The following SAMD5 variants were observed in gnomAD, a reference collection of about 807,000 sequenced individuals.
The protein encoded by SAMD5 is sterile alpha motif domain containing 5, also known as sterile alpha motif domain-containing protein 5.
In SAMD5, 13 loss-of-function variants were observed where a neutral mutation model predicts 11.3. That is an observed-to-expected ratio of 1.15 (90% confidence interval 0.75 to 1.83). The LOEUF (loss-of-function observed/expected upper bound fraction) is 1.83, where lower values mean the gene tolerates loss of function less well. SAMD5 is among the 40% of genes most tolerant of loss of function. The pLI is 0.00. For missense variants in SAMD5, 255 were observed against 239.1 expected, an observed-to-expected ratio of 1.07 and a Z score of -0.44; for synonymous variants, 129 against 111.3, an observed-to-expected ratio of 1.16 and a Z score of -1.00.
the SAMD5 span, among the ~76,000 whole-genome samples, chr6:147,941,599 T>C: frequency 3.3e-5 from 5 of 152,194 alleles, no homozygotes; most frequent in South Asian, 2.1e-4. Flanking sequence ...AATTAACATT[T>C]ATAAACAAAA....
the SAMD5 span, among the ~76,000 whole-genome samples, chr6:147,889,983 G>T: frequency 6.6e-6 from 1 of 152,194 alleles, no homozygotes; most frequent in Non-Finnish European, 1.5e-5. Context: ...AGGGCTGCCA[G>T]GCTCTGCCTA....
chr6:147,899,509 A>G, the SAMD5 span, among the ~76,000 whole-genome samples: 2 of 152,230 alleles, frequency 1.3e-5, no homozygotes, highest in Non-Finnish European at 2.9e-5. Flanking sequence ...GTCTACTTCT[A>G]TGGAAAAAAT....
In SAMD5 at chr6:147,566,335, A is replaced by G; in HGVS notation, c.*1879A>G. The G allele has an allele frequency of 2.0e-6, 2 of 979,640 alleles. No homozygotes were observed. The highest frequency in any genetic ancestry group is 2.4e-6 in the Non-Finnish European group (2 of 825,414). The allele number at this position is 979,640 out of a possible 1,614,324, so 60.7% of individuals were successfully genotyped here. A position where few individuals can be genotyped will look rare whatever the true frequency, so the allele number is the denominator to read the frequency against. On this transcript the variant is annotated 3_prime_UTR_variant, in exon 2 of 2. Coordinates refer to ENST00000367474, the MANE Select transcript of SAMD5 (RefSeq NM_001030060.3). ...TAGGGTCTTTAAAATTCCTAAGTAG[A>G]TTCTTTTGAGTGGTAGGGGAGTCTG...
At chr6:147,825,248 G>A in the SAMD5 span, among the ~76,000 whole-genome samples, 1 of 152,284 alleles carries the variant, frequency 6.6e-6, no homozygotes, top group African/African-American at 2.4e-5. Flanking sequence ...AGTGAGCCGA[G>A]ATTGCACCAC....
intron 1 of SAMD5, among the ~76,000 whole-genome samples, chr6:147,514,864 A>G (rs1317863677): frequency 6.6e-6 from 1 of 152,192 alleles, no homozygotes; most frequent in Non-Finnish European, 1.5e-5. Flanking sequence ...TAATAAGGCT[A>G]TTTATGGATA....
the SAMD5 span, among the ~76,000 whole-genome samples, chr6:147,846,208 T>G: frequency 6.6e-6 from 1 of 152,166 alleles, no homozygotes; most frequent in Non-Finnish European, 1.5e-5. Flanking sequence ...AGATTCATGG[T>G]TTCCAAAGGT....
rs967559535 is a variant in SAMD5, at chr6:147,525,900, T to C, written c.459+16513T>C. Among the ~76,000 whole-genome samples the C allele has an allele frequency of 3.3e-5, 5 of 152,174 alleles. No homozygotes were observed. In the East Asian group the frequency reaches 9.6e-4, roughly 29 times the overall value. Reference sequence around the variant, plus strand: ...CCTCCTGGAAAGCTAGATGGTTTCATGGTGGTGACATCAATCTCCAAACTA... The same window carrying C: ...CCTCCTGGAAAGCTAGATGGTTTCACGGTGGTGACATCAATCTCCAAACTA... On this transcript the variant is annotated intron_variant, in intron 1 of 1. Transcript: ENST00000367474.
chr6:147,645,445 A>T (rs545118616), intron 1 of SAMD5, among the ~76,000 whole-genome samples: 28 of 152,228 alleles, frequency 1.8e-4, no homozygotes, highest in African/African-American at 6.5e-4. Flanking sequence ...CCTCTGCTTG[A>T]GGTGGTAATG....
In SAMD5 at chr6:147,518,036, C is replaced by T. The variant is rs1317008457; in HGVS notation, c.459+8649C>T. On this transcript the variant is annotated intron_variant, in intron 1 of 1. Transcript: ENST00000367474. ...CTTTTCAAAACACGAAAGTCAATTC[C>T]CCATGTATTTGCAAAGAGCAAGGCA... Among the ~76,000 whole-genome samples, 6 of 152,020 alleles carry T rather than the reference C, an allele frequency of 3.9e-5. No homozygotes were observed. The South Asian group carries it at 6.2e-4, about 16-fold the overall frequency.
chr6:147,817,467 T>G, the SAMD5 span, among the ~76,000 whole-genome samples: 2 of 152,266 alleles, frequency 1.3e-5, no homozygotes. Context: ...ATAAAGTCAG[T>G]AGCCTCTGAC....
intron 1 of SAMD5, among the ~76,000 whole-genome samples, chr6:147,608,776 A>C (rs1207990102): frequency 1.3e-5 from 2 of 152,170 alleles, no homozygotes; most frequent in Admixed American, 6.5e-5. Context: ...TTAATTGTAC[A>C]TTTTAAAATA....
the SAMD5 span, among the ~76,000 whole-genome samples, chr6:147,866,340 T>C: frequency 1.3e-5 from 2 of 152,212 alleles, no homozygotes; most frequent in African/African-American, 4.8e-5. Flanking sequence ...TCCTTTGTGT[T>C]ACACCAACAA....
chr6:147,522,109 G>T (rs949406480), intron 1 of SAMD5, among the ~76,000 whole-genome samples: 17 of 152,022 alleles, frequency 1.1e-4, no homozygotes, highest in Non-Finnish European at 2.1e-4. Flanking sequence ...ATAAGGTAAA[G>T]CTCTATTGTT....
chr6:147,735,559 C>A (rs1791787814), intron 1 of SAMD5, among the ~76,000 whole-genome samples: 1 of 152,014 alleles, frequency 6.6e-6, no homozygotes, highest in Admixed American at 6.6e-5. Flanking sequence ...ACTAAATGTG[C>A]TAAATGTAAT....
the SAMD5 span, among the ~76,000 whole-genome samples, chr6:147,764,197 T>C: frequency 6.6e-6 from 1 of 152,172 alleles, no homozygotes; most frequent in Non-Finnish European, 1.5e-5. Flanking sequence ...TTTCTGATTG[T>C]AAATATCCAG....
chr6:147,591,665 A>C (rs11970117), intron 1 of SAMD5, among the ~76,000 whole-genome samples: 21,655 of 152,196 alleles, frequency 0.14, 1,784 homozygotes, highest in African/African-American at 0.21. Flanking sequence ...AAGGCTGTTC[A>C]GTTTTCCATG....
At chr6:147,595,522 C>CTTTTTTTTTT (rs770537446) in intron 1 of SAMD5, among the ~76,000 whole-genome samples, 3 of 106,628 alleles carry the variant, frequency 2.8e-5, no homozygotes, top group African/African-American at 8.7e-5. Flanking sequence ...ACTAAACTAC[C>CTTTTTTTTTT]TTTTTTTTTT....
the SAMD5 span, among the ~76,000 whole-genome samples, chr6:147,792,405 T>C: frequency 6.6e-6 from 1 of 152,204 alleles, no homozygotes; most frequent in African/African-American, 2.4e-5. Context: ...GCTAGAATGC[T>C]CCGTTTGGTA....
At chr6:147,529,471 T>C (rs888895016) in intron 1 of SAMD5, among the ~76,000 whole-genome samples, 2 of 152,204 alleles carry the variant, frequency 1.3e-5, no homozygotes, top group Non-Finnish European at 2.9e-5. Flanking sequence ...GCTAATAGTA[T>C]AAACTTTAAT....
Sources: allele counts gnomAD v4.1 joint callset (sites outside exome capture counted in the v4.1 genomes callset), GRCh38; gene constraint gnomAD v4.1.1; transcripts MANE v1.5; gene names NCBI Gene and HGNC (gene_info 2026-07-23, HGNC 2026-07-21).